The following PCDHA9 variants were observed in gnomAD, a reference collection of about 807,000 sequenced individuals.
PCDHA9 encodes the protein protocadherin alpha 9.
Under a neutral mutation model 62.0 loss-of-function variants are expected in PCDHA9, and 62 were observed. That is an observed-to-expected ratio of 1.00 (90% confidence interval 0.81 to 1.23). The LOEUF is 1.23. Ranked by LOEUF, PCDHA9 falls within the 50% of genes most tolerant of loss-of-function variation. PCDHA9 has a pLI of 0.00. For missense variants in PCDHA9, 1,205 were observed against 1,249.8 expected (o/e 0.96, Z 0.54); for synonymous variants, 557 against 567.6 (o/e 0.98, Z 0.27).
At chr5:141,000,950 T>C (rs781867970) in intron 3 of PCDHA9, among the ~76,000 whole-genome samples, 2 of 152,214 alleles carry the variant, frequency 1.3e-5, no homozygotes, top group Non-Finnish European at 2.9e-5. Flanking sequence ...ATTATCTTGC[T>C]GTAATTTAAG....
chr5:140,876,925 C>G (rs1554169109), intron 1 of PCDHA9: 1 of 1,613,838 alleles, frequency 6.2e-7, no homozygotes, highest in South Asian at 1.1e-5. Flanking sequence ...CGCGGACGCG[C>G]AGAAGAACGC....
chr5:140,997,814 T>C (rs2097786801), intron 3 of PCDHA9, among the ~76,000 whole-genome samples: 1 of 152,212 alleles, frequency 6.6e-6, no homozygotes, highest in Admixed American at 6.5e-5. Context: ...GCTGTTGGTA[T>C]CTATGTTTTC....
intron 1 of PCDHA9, among the ~76,000 whole-genome samples, chr5:140,957,852 A>ATT (rs5871756): frequency 1.3e-5 from 2 of 151,656 alleles, no homozygotes; most frequent in East Asian, 1.9e-4. Flanking sequence ...GAGTTTGTGT[A>ATT]TTTTTTTTCC....
intron 3 of PCDHA9, among the ~76,000 whole-genome samples, chr5:140,987,258 G>A (rs1292743876): frequency 6.6e-6 from 1 of 151,918 alleles, no homozygotes; most frequent in Non-Finnish European, 1.5e-5. Context: ...ACATTCTCAG[G>A]AATGGGACCC....
intron 1 of PCDHA9, among the ~76,000 whole-genome samples, chr5:140,898,794 T>G (rs1487494121): frequency 1.3e-5 from 2 of 152,236 alleles, no homozygotes; most frequent in East Asian, 3.8e-4. Flanking sequence ...ATGGCCATTT[T>G]CACGATACTG....
chr5:140,913,284 G>A (rs1201275371), intron 1 of PCDHA9, among the ~76,000 whole-genome samples: 1 of 152,026 alleles, frequency 6.6e-6, no homozygotes, highest in Non-Finnish European at 1.5e-5. Context: ...GTCTGTTTAG[G>A]TTTTAATTTC....
chr5:140,871,643 C>G (rs1432039358), intron 1 of PCDHA9: 1 of 1,293,296 alleles, frequency 7.7e-7, no homozygotes, highest in Admixed American at 2.9e-5. Flanking sequence ...TCATAAAATA[C>G]CAAATGATAC....
At chr5:140,969,865 C>T (rs982289120) in intron 1 of PCDHA9, among the ~76,000 whole-genome samples, 1 of 152,204 alleles carries the variant, frequency 6.6e-6, no homozygotes. Flanking sequence ...GGTACTTGCA[C>T]TGAACCTATG....
In PCDHA9 at chr5:140,850,725, G is replaced by A; in HGVS notation, c.2230G>A (p.Ala744Thr). The A allele has an allele frequency of 6.3e-7, 1 of 1,597,982 alleles. No homozygotes were observed. ...PGKPTLVCSS[A>T]VGSWSYSQQR... ...CAAGCCGACGCTGGTGTGTTCTAGC[G>A]CGGTGGGGAGTTGGTCGTACTCGCA... is the stretch of plus-strand genomic sequence containing the variant. Residue 744 changes from alanine (A) to threonine (T), a missense_variant, in exon 1 of 4, where the codon GCG (alanine) becomes ACG (threonine). Coordinates refer to ENST00000532602, the MANE Select transcript of PCDHA9 (RefSeq NM_031857.2).
At chr5:140,868,440 G>A (rs2050457998) in intron 1 of PCDHA9, 1 of 152,152 alleles carries the variant, frequency 6.6e-6, no homozygotes, top group Admixed American at 6.6e-5. Flanking sequence ...AGATCATGTG[G>A]AACATAAACA....
In PCDHA9 at chr5:140,850,761, C is replaced by A; in HGVS notation, c.2266C>A (p.Gln756Lys). Reference sequence around the variant, plus strand: ...TTGGTCGTACTCGCAGCAGAGGAGGCAGAGGGTGTGCTCTGGCGAGGGTAA... The same window carrying A: ...TTGGTCGTACTCGCAGCAGAGGAGGAAGAGGGTGTGCTCTGGCGAGGGTAA... The part of the protein sequence containing the change: ...GSWSYSQQRR[Q>K]RVCSGEGKQK... Residue 756 changes from glutamine to lysine, a missense_variant, in exon 1 of 4, where the codon CAG becomes AAG. By Grantham distance (53) the Gln-to-Lys change is moderately conservative. Coordinates refer to ENST00000532602, the MANE Select transcript of PCDHA9 (RefSeq NM_031857.2). The A allele has an allele frequency of 6.3e-7, 1 of 1,598,004 alleles. No individual in the cohort carries two copies. The highest frequency in any genetic ancestry group is 2.2e-5 in the East Asian group (1 of 44,852).
At chr5:140,913,205 C>G (rs2076252546) in intron 1 of PCDHA9, among the ~76,000 whole-genome samples, 1 of 152,176 alleles carries the variant, frequency 6.6e-6, no homozygotes, top group South Asian at 2.1e-4. Context: ...GCAGTGAAGC[C>G]AATGGGTCCC....
Position 140,848,457 on chromosome 5 carries a change from G to A in PCDHA9, c.-39G>A, listed in dbSNP as rs1030799361. ...ATCAGATGATTTCTTCTAATTTGGAGGCAATTTTCACTAATTAGAAGAAGA... is the reference window on the plus strand; with the variant it reads ...ATCAGATGATTTCTTCTAATTTGGAAGCAATTTTCACTAATTAGAAGAAGA... On this transcript the variant is annotated 5_prime_UTR_variant, in exon 1 of 4. Transcript: ENST00000532602. The A allele has an allele frequency of 6.5e-7, 1 of 1,527,596 alleles. No individual in the cohort carries two copies. Among genetic ancestry groups the A allele is most frequent in the African/African-American group, 1.4e-5 (1 of 72,554 alleles). The allele number at this position is 1,527,596 out of a possible 1,614,324, so 94.6% of individuals were successfully genotyped here.
At chr5:140,854,518 G>A (rs1446011923) in intron 1 of PCDHA9, 1 of 149,946 alleles carries the variant, frequency 6.7e-6, no homozygotes, top group Non-Finnish European at 1.5e-5. Flanking sequence ...GATGGATTAA[G>A]TGACACCCAT....
intron 1 of PCDHA9, among the ~76,000 whole-genome samples, chr5:140,951,356 C>T (rs1362153667): frequency 6.6e-6 from 1 of 151,998 alleles, no homozygotes; most frequent in African/African-American, 2.4e-5. Flanking sequence ...CATTATTGCA[C>T]TGTTATAAAG....
At chr5:140,871,190 A>G (rs1554165248) in intron 1 of PCDHA9, 9 of 1,613,526 alleles carry the variant, frequency 5.6e-6, no homozygotes, top group Admixed American at 3.3e-5. Flanking sequence ...GTGGATGTCA[A>G]CGTGTACCTG....
Position 140,927,496 on chromosome 5 carries a change from G to C in PCDHA9, c.2395-51453G>C, listed in dbSNP as rs1206944698. On this transcript the variant is annotated intron_variant, in intron 1 of 3. Transcript: ENST00000532602. ...CGAACAGCGCGCCACCCACCTGCTG[G>C]TGCTTACAGCTCGGGACGGCGGGCT... The C allele has an allele frequency of 3.7e-6, 6 of 1,614,026 alleles. No homozygotes were observed. The highest frequency in any genetic ancestry group is 5.1e-6 in the Non-Finnish European group (6 of 1,180,054).
chr5:140,867,814 A>G (rs1277915043), intron 1 of PCDHA9: 1 of 152,106 alleles, frequency 6.6e-6, no homozygotes, highest in East Asian at 1.9e-4. Flanking sequence ...ATGAAATTCC[A>G]TTTCCACAAG....
intron 1 of PCDHA9, among the ~76,000 whole-genome samples, chr5:140,973,163 G>A (rs1473284872): frequency 1.3e-5 from 2 of 152,166 alleles, no homozygotes; most frequent in African/African-American, 4.8e-5. Context: ...GCAATTTGTA[G>A]TCACCAAACC....
Sources: allele counts gnomAD v4.1 joint callset (sites outside exome capture counted in the v4.1 genomes callset), GRCh38; gene constraint gnomAD v4.1.1; transcripts MANE v1.5; gene names NCBI Gene and HGNC (gene_info 2026-07-23, HGNC 2026-07-21).